Variants in GRM7 observed in about 807,000 individuals in gnomAD.
The protein encoded by GRM7 is glutamate metabotropic receptor 7.
GRM7 carries 35 observed loss-of-function variants against 84.5 expected under a neutral mutation model. The ratio of observed to expected loss-of-function variants is 0.41; its 90% CI spans 0.32 to 0.55. The LOEUF (loss-of-function observed/expected upper bound fraction) is 0.55. Ranked by LOEUF, GRM7 falls within the 20% of genes least tolerant of loss-of-function variation. The probability of loss-of-function intolerance (pLI) is 0.19; values close to 1 mark genes in which losing one functional copy is unlikely to be tolerated. For missense variants in GRM7, 1,003 were observed against 1,194.6 expected (o/e 0.84, Z 2.36); for synonymous variants, 487 against 455.1 (o/e 1.07, Z -0.89).
chr3:7,228,090 C>T (rs1465954174), intron 2 of GRM7, among the ~76,000 whole-genome samples: 1 of 152,138 alleles, frequency 6.6e-6, no homozygotes, highest in Non-Finnish European at 1.5e-5. Context: ...ATACCCATTG[C>T]TGAGTCCATA....
intron 4 of GRM7, among the ~76,000 whole-genome samples, chr3:7,325,821 C>T (rs1311422833): frequency 6.6e-6 from 1 of 152,074 alleles, no homozygotes; most frequent in Non-Finnish European, 1.5e-5. Flanking sequence ...CCAATTAAAA[C>T]ATTGGGTATT....
intron 4 of GRM7, among the ~76,000 whole-genome samples, chr3:7,403,430 A>G (rs998442083): frequency 6.6e-6 from 1 of 151,384 alleles, no homozygotes; most frequent in African/African-American, 2.4e-5. Flanking sequence ...CATTAGGATG[A>G]CATCAAGCTG....
At chr3:7,182,151 C>G (rs1402460007) in intron 2 of GRM7, among the ~76,000 whole-genome samples, 1 of 151,828 alleles carries the variant, frequency 6.6e-6, no homozygotes, top group Non-Finnish European at 1.5e-5. Flanking sequence ...TCTTACCTAC[C>G]TTCAACATTC....
At chr3:7,238,754 TTTTCC>T (rs112688228) in intron 2 of GRM7, among the ~76,000 whole-genome samples, 5,995 of 151,086 alleles carry the variant, frequency 0.04, 407 homozygotes, top group African/African-American at 0.14. Context: ...TTTTCTTTTC[TTTTCC>T]TTTCCTTTCC....
intron 4 of GRM7, among the ~76,000 whole-genome samples, chr3:7,345,161 A>AT (rs1463947141): frequency 6.6e-6 from 1 of 152,026 alleles, no homozygotes; most frequent in Non-Finnish European, 1.5e-5. Context: ...TGACGTTTGA[A>AT]TTTTCCATTA....
chr3:7,617,567 C>T (rs2125085319), intron 8 of GRM7, among the ~76,000 whole-genome samples: 1 of 151,994 alleles, frequency 6.6e-6, no homozygotes, highest in East Asian at 1.9e-4. Context: ...ACAGAATCAA[C>T]AAAAATATTG....
At chr3:7,313,323 G>A (rs999910860) in intron 4 of GRM7, among the ~76,000 whole-genome samples, 3 of 152,068 alleles carry the variant, frequency 2.0e-5, no homozygotes, top group Non-Finnish European at 4.4e-5. Flanking sequence ...CCAGAGGAAG[G>A]CAGAAAAGAC....
At chr3:7,309,483 C>T (rs1409144600) in intron 4 of GRM7, among the ~76,000 whole-genome samples, 3 of 152,112 alleles carry the variant, frequency 2.0e-5, no homozygotes, top group South Asian at 2.1e-4. Flanking sequence ...CATGATACTG[C>T]TCCATTCCTA....
intron 1 of GRM7, among the ~76,000 whole-genome samples, chr3:6,903,575 C>T (rs968054143): frequency 6.6e-6 from 1 of 152,130 alleles, no homozygotes; most frequent in Non-Finnish European, 1.5e-5. Flanking sequence ...CTGTTCTCAA[C>T]ATTTCACTTC....
intron 8 of GRM7, among the ~76,000 whole-genome samples, chr3:7,659,832 A>G (rs1425980898): frequency 6.6e-6 from 1 of 152,210 alleles, no homozygotes; most frequent in African/African-American, 2.4e-5. Context: ...TTGGGAGCTC[A>G]TCCCACATTT....
chr3:7,084,318 T>C (rs1347439625), intron 1 of GRM7, among the ~76,000 whole-genome samples: 1 of 152,074 alleles, frequency 6.6e-6, no homozygotes, highest in East Asian at 1.9e-4. Context: ...CTAGACCTTC[T>C]GAATCAGAGA....
At position 6,926,288 on chromosome 3, in the gene GRM7, T is replaced by C. The variant is rs1319019198; in HGVS notation, c.519+64381T>C. ...TCTGCTTTTTTCTACATATATCATTTGTGCATTCATTTGTGTCAACATCAC... is the reference window on the plus strand; with the variant it reads ...TCTGCTTTTTTCTACATATATCATTCGTGCATTCATTTGTGTCAACATCAC... On this transcript the variant is annotated intron_variant, in intron 1 of 9. Coordinates refer to ENST00000357716, the MANE Select transcript of GRM7 (RefSeq NM_000844.4). Among the ~76,000 whole-genome samples the C allele has an allele frequency of 2.0e-5, 3 of 152,232 alleles. No individual in the cohort carries two copies. In the East Asian group the frequency reaches 5.8e-4, roughly 29 times the overall value.
chr3:7,324,775 C>T (rs1219836311), intron 4 of GRM7, among the ~76,000 whole-genome samples: 1 of 152,004 alleles, frequency 6.6e-6, no homozygotes, highest in Non-Finnish European at 1.5e-5. Flanking sequence ...CATAGAGGGG[C>T]CCTCAGAATC....
At chr3:7,455,128 G>A (rs1697950641) in intron 6 of GRM7, among the ~76,000 whole-genome samples, 1 of 151,868 alleles carries the variant, frequency 6.6e-6, no homozygotes, top group Non-Finnish European at 1.5e-5. Context: ...GGACCCCAGT[G>A]GATTATAACT....
At chr3:7,363,785 C>T (rs780577700) in intron 4 of GRM7, among the ~76,000 whole-genome samples, 6 of 152,106 alleles carry the variant, frequency 3.9e-5, no homozygotes, top group Non-Finnish European at 8.8e-5. Context: ...AATTCTACAT[C>T]TTCAACCCTT....
At chr3:7,198,808 G>A (rs894977876) in intron 2 of GRM7, among the ~76,000 whole-genome samples, 3 of 152,152 alleles carry the variant, frequency 2.0e-5, no homozygotes, top group Non-Finnish European at 2.9e-5. Flanking sequence ...ATTATAAGTT[G>A]AGCCATCATA....
At chr3:7,398,049 G>C (rs1005744281) in intron 4 of GRM7, among the ~76,000 whole-genome samples, 7 of 152,158 alleles carry the variant, frequency 4.6e-5, no homozygotes, top group Admixed American at 4.6e-4. Context: ...CGAAAAGAAA[G>C]AAGATTCAGT....
chr3:7,619,684 T>A (rs1371080520), intron 8 of GRM7, among the ~76,000 whole-genome samples: 1 of 152,124 alleles, frequency 6.6e-6, no homozygotes, highest in Non-Finnish European at 1.5e-5. Flanking sequence ...GAAGCAAATC[T>A]ACTTATGGCT....
At chr3:7,661,032 C>T (rs1054586304) in intron 8 of GRM7, among the ~76,000 whole-genome samples, 5 of 152,172 alleles carry the variant, frequency 3.3e-5, no homozygotes, top group South Asian at 2.1e-4. Context: ...AGAAAATCTT[C>T]GTGACACTGG....
Sources: gnomAD v4.1 joint callset for allele counts (sites outside exome capture counted in the v4.1 genomes callset) on GRCh38, gnomAD v4.1.1 for gene constraint, MANE v1.5 for transcripts, NCBI Gene and HGNC (gene_info 2026-07-23, HGNC 2026-07-21) for gene names.